CALN1: variants seen among roughly 807,000 people sequenced by gnomAD.
CALN1 encodes calneuron 1.
In CALN1, 17 loss-of-function variants were observed where a neutral mutation model predicts 30.6. The ratio of observed to expected loss-of-function variants is 0.56; its 90% confidence interval spans 0.38 to 0.83. CALN1 has a LOEUF of 0.83. CALN1 is among the 40% of genes least tolerant of loss of function. CALN1 has a pLI of 0.00. For synonymous variants in CALN1, 156 were observed against 131.4 expected (o/e 1.19, Z -1.28); for missense variants, 291 against 354.9 (o/e 0.82, Z 1.45).
At chr7:71,971,299 A>C (rs2129526304) in intron 5 of CALN1, among the ~76,000 whole-genome samples, 1 of 152,116 alleles carries the variant, frequency 6.6e-6, no homozygotes, top group South Asian at 2.1e-4. Flanking sequence ...AAATACAAAA[A>C]ATTAGCTGGG....
At chr7:72,140,276 A>AAGAGAGAG (rs71069028) in intron 3 of CALN1, among the ~76,000 whole-genome samples, 1,259 of 119,878 alleles carry the variant, frequency 0.011, 19 homozygotes, top group East Asian at 0.071. Flanking sequence ...GTCTCAAAAT[A>AAGAGAGAG]AGAGAGAGAG....
chr7:72,216,481 T>A (rs1487272993), intron 3 of CALN1, among the ~76,000 whole-genome samples: 1 of 151,986 alleles, frequency 6.6e-6, no homozygotes. Context: ...GGAGGTGGCA[T>A]CTTTGGAGAA....
chr7:72,356,727 TAATC>T (rs1489756841), intron 2 of CALN1, among the ~76,000 whole-genome samples: 5 of 151,902 alleles, frequency 3.3e-5, no homozygotes, highest in African/African-American at 1.2e-4. Context: ...ACATAGTAAA[TAATC>T]AAAGAACTAG....
chr7:71,787,514 A>G lies in CALN1; in HGVS notation c.*261T>C. ...GTTATGACTGATGGTTGAAGCAATAATTTGGAAATCCTGGCGATTTATTGC... is the reference window on the plus strand; with the variant it reads ...GTTATGACTGATGGTTGAAGCAATAGTTTGGAAATCCTGGCGATTTATTGC... On this transcript the variant is annotated 3_prime_UTR_variant, in exon 7 of 7. Transcript: ENST00000395275. 1 of 396,820 alleles carries G rather than the reference A, an allele frequency of 2.5e-6. No homozygotes were observed. Among genetic ancestry groups the G allele is most frequent in the Non-Finnish European group, 4.6e-6 (1 of 216,476 alleles). The allele number at this position is 396,820 out of a possible 1,614,324, so 24.6% of individuals were successfully genotyped here. A position where few individuals can be genotyped will look rare whatever the true frequency, so the allele number is the denominator to read the frequency against.
intron 4 of CALN1, among the ~76,000 whole-genome samples, chr7:72,055,975 G>A (rs1166919015): frequency 3.3e-5 from 5 of 152,152 alleles, no homozygotes; most frequent in South Asian, 2.1e-4. Context: ...AGCTATGATC[G>A]CACCACTGTA....
intron 4 of CALN1, among the ~76,000 whole-genome samples, chr7:72,048,021 T>C (rs925300465): frequency 2.6e-5 from 4 of 151,364 alleles, no homozygotes; most frequent in Non-Finnish European, 4.4e-5. Flanking sequence ...CATTCATTCA[T>C]ATTGCTTCTT....
chr7:72,115,257 G>A (rs1276064901), intron 3 of CALN1, among the ~76,000 whole-genome samples: 2 of 144,220 alleles, frequency 1.4e-5, no homozygotes, highest in East Asian at 4.0e-4. Flanking sequence ...TAATAACATG[G>A]GCCACAGGAA....
At chr7:71,829,057 T>C (rs115644966) in intron 5 of CALN1, among the ~76,000 whole-genome samples, 4,787 of 152,218 alleles carry the variant, frequency 0.031, 264 homozygotes, top group African/African-American at 0.11. Flanking sequence ...ATATATTGAT[T>C]GATATCTCAC....
chr7:72,209,571 C>G (rs1434514988), intron 3 of CALN1, among the ~76,000 whole-genome samples: 1 of 149,404 alleles, frequency 6.7e-6, no homozygotes, highest in South Asian at 2.1e-4. Context: ...CCCTCTCTTT[C>G]TCTTTGCAAA....
At chr7:72,043,501 G>A (rs1303638050) in intron 4 of CALN1, among the ~76,000 whole-genome samples, 1 of 152,154 alleles carries the variant, frequency 6.6e-6, no homozygotes, top group East Asian at 1.9e-4. Flanking sequence ...AGGCATGGTG[G>A]CTCATGCCTA....
rs527659816 is a variant in CALN1, at chr7:71,792,767, T to C, written c.659-4865A>G. 3.3e-5 allele frequency among the ~76,000 whole-genome samples: 5 copies of C among 152,226 alleles called. No homozygotes were observed. The South Asian group carries it at 1.0e-3, about 32-fold the overall frequency. ...TGTTTCCGAAGGCAGCCCTTTTCCATTCCATCTTGAGGGCCTGCGAAAGCA... is the reference window on the plus strand; with the variant it reads ...TGTTTCCGAAGGCAGCCCTTTTCCACTCCATCTTGAGGGCCTGCGAAAGCA... On this transcript the variant is annotated intron_variant, in intron 6 of 6. Transcript: ENST00000395275.
intron 5 of CALN1, among the ~76,000 whole-genome samples, chr7:71,914,170 CATTA>C (rs1484608867): frequency 3.3e-5 from 5 of 152,252 alleles, no homozygotes; most frequent in East Asian, 1.9e-4. Flanking sequence ...GCCTAGTATA[CATTA>C]ATTATTTTTC....
intron 3 of CALN1, among the ~76,000 whole-genome samples, chr7:72,115,462 A>G (rs1263919697): frequency 1.3e-5 from 2 of 149,140 alleles, no homozygotes; most frequent in African/African-American, 4.9e-5. Context: ...CAGTAATGAT[A>G]AATACATTAC....
At chr7:72,338,511 G>C (rs1802218289) in intron 2 of CALN1, among the ~76,000 whole-genome samples, 1 of 148,164 alleles carries the variant, frequency 6.7e-6, no homozygotes, top group African/African-American at 2.5e-5. Context: ...GTGTGTGTGT[G>C]TGTGTGTGTG....
At chr7:72,287,726 G>A (rs749489356) in intron 2 of CALN1, among the ~76,000 whole-genome samples, 6 of 152,196 alleles carry the variant, frequency 3.9e-5, no homozygotes, top group East Asian at 1.9e-4. Context: ...GATTACAGGC[G>A]TGAGCCACTA....
intron 3 of CALN1, among the ~76,000 whole-genome samples, chr7:72,260,770 C>G (rs1454760217): frequency 6.6e-6 from 1 of 152,132 alleles, no homozygotes; most frequent in Non-Finnish European, 1.5e-5. Flanking sequence ...CATGACACCC[C>G]TTTTCCCACT....
intron 4 of CALN1, among the ~76,000 whole-genome samples, chr7:72,096,206 C>T (rs967075126): frequency 6.6e-6 from 1 of 152,146 alleles, no homozygotes; most frequent in Non-Finnish European, 1.5e-5. Context: ...GTCCCTGGAC[C>T]ACACATGGAG....
At chr7:72,145,232 A>G (rs1259223157) in intron 3 of CALN1, among the ~76,000 whole-genome samples, 1 of 152,202 alleles carries the variant, frequency 6.6e-6, no homozygotes, top group African/African-American at 2.4e-5. Context: ...AGCAAGACTA[A>G]TAAAGAAGCA....
chr7:71,913,357 T>G (rs1347425972), intron 5 of CALN1, among the ~76,000 whole-genome samples: 1 of 152,190 alleles, frequency 6.6e-6, no homozygotes, highest in South Asian at 2.1e-4. Context: ...TTCTGAAACC[T>G]CCTTTAGTGG....
Sources: gnomAD v4.1 joint callset for allele counts (sites outside exome capture counted in the v4.1 genomes callset) on GRCh38, gnomAD v4.1.1 for gene constraint, MANE v1.5 for transcripts, NCBI Gene and HGNC (gene_info 2026-07-23, HGNC 2026-07-21) for gene names.